The following GABRB2 variants were observed in gnomAD, a reference collection of about 807,000 sequenced individuals.
GABRB2 encodes gamma-aminobutyric acid receptor subunit beta-2.
A neutral mutation model predicts 54.7 loss-of-function variants in GABRB2; 16 were observed. That is an observed-to-expected ratio of 0.29 (90% CI 0.20 to 0.44). The LOEUF (loss-of-function observed/expected upper bound fraction) is 0.44. GABRB2 is among the 20% of genes least tolerant of loss of function. The pLI is 1.00. For synonymous variants in GABRB2, 244 were observed against 233.8 expected (o/e 1.04, Z -0.40); for missense variants, 355 against 644.0 (o/e 0.55, Z 4.86).
intron 4 of GABRB2, among the ~76,000 whole-genome samples, chr5:161,457,246 A>AT (rs1234535232): frequency 6.6e-6 from 1 of 152,086 alleles, no homozygotes; most frequent in Non-Finnish European, 1.5e-5. Context: ...GAACCTGCAT[A>AT]TTTTTTAATA....
chr5:161,534,803 C>A (rs538273605), intron 3 of GABRB2, among the ~76,000 whole-genome samples: 2 of 152,060 alleles, frequency 1.3e-5, no homozygotes, highest in South Asian at 4.2e-4. Flanking sequence ...GAAGAAAAAA[C>A]CCCAGAGAAG....
chr5:161,352,549 G>A (rs753059012), intron 5 of GABRB2, among the ~76,000 whole-genome samples: 23 of 151,998 alleles, frequency 1.5e-4, no homozygotes, highest in Non-Finnish European at 2.8e-4. Context: ...ACCACAGGCT[G>A]GCAGGAGTGG....
At chr5:161,413,459 T>C (rs184276052) in intron 4 of GABRB2, among the ~76,000 whole-genome samples, 142 of 152,306 alleles carry the variant, frequency 9.3e-4, no homozygotes, top group African/African-American at 3.2e-3. Context: ...CTATTAAAAG[T>C]TACATTCGCA....
At chr5:161,438,874 A>G (rs557841212) in intron 4 of GABRB2, among the ~76,000 whole-genome samples, 3 of 152,240 alleles carry the variant, frequency 2.0e-5, no homozygotes, top group South Asian at 4.1e-4. Flanking sequence ...AAGAAAAAAG[A>G]ACGGAACACA....
intron 5 of GABRB2, among the ~76,000 whole-genome samples, chr5:161,404,088 C>A (rs1756280440): frequency 6.6e-6 from 1 of 152,058 alleles, no homozygotes; most frequent in Non-Finnish European, 1.5e-5. Context: ...GTCTTTGAGT[C>A]CAGATACACG....
At chr5:161,341,808 T>C (rs929660574) in intron 5 of GABRB2, among the ~76,000 whole-genome samples, 6 of 150,390 alleles carry the variant, frequency 4.0e-5, no homozygotes, top group Non-Finnish European at 8.9e-5. Context: ...TGTTATCTAC[T>C]AAGTCAATAT....
chr5:161,399,478 G>A (rs1363421345), intron 5 of GABRB2, among the ~76,000 whole-genome samples: 1 of 152,162 alleles, frequency 6.6e-6, no homozygotes, highest in East Asian at 1.9e-4. Context: ...GACTACATGA[G>A]AAGCACTGTG....
At chr5:161,519,545 T>C (rs564761866) in intron 3 of GABRB2, among the ~76,000 whole-genome samples, 1 of 152,250 alleles carries the variant, frequency 6.6e-6, no homozygotes, top group South Asian at 2.1e-4. Flanking sequence ...GATGTAACAG[T>C]TATTTAATAT....
chr5:161,464,213 C>A (rs1758211104), intron 3 of GABRB2, among the ~76,000 whole-genome samples: 1 of 151,950 alleles, frequency 6.6e-6, no homozygotes, highest in African/African-American at 2.4e-5. Context: ...TGACAAACAA[C>A]TTATATCCAT....
chr5:161,301,541 G>C (rs1042128861), intron 9 of GABRB2, among the ~76,000 whole-genome samples: 1 of 151,694 alleles, frequency 6.6e-6, no homozygotes, highest in African/African-American at 2.4e-5. Flanking sequence ...AAATTTTTCT[G>C]TCTTGGCATT....
chr5:161,453,469 CCTTGCTGCTTTCACCTGGT>C, intron 4 of GABRB2, among the ~76,000 whole-genome samples: 1 of 152,150 alleles, frequency 6.6e-6, no homozygotes, highest in East Asian at 1.9e-4. Context: ...CCATAGTTTG[CCTTGCTGCTTTCACCTGGT>C]GAGGACACAG....
chr5:161,340,253 T>C (rs1236674919), intron 5 of GABRB2, among the ~76,000 whole-genome samples: 2 of 152,054 alleles, frequency 1.3e-5, no homozygotes, highest in Non-Finnish European at 2.9e-5. Flanking sequence ...TGCAAACTTT[T>C]GGCAAAATGA....
chr5:161,401,221 T>C (rs893260973), intron 5 of GABRB2, among the ~76,000 whole-genome samples: 2 of 152,196 alleles, frequency 1.3e-5, no homozygotes, highest in African/African-American at 4.8e-5. Flanking sequence ...AAGGTGGGTT[T>C]TCACTTGTGA....
At chr5:161,443,781 A>G (rs1211253112) in intron 4 of GABRB2, among the ~76,000 whole-genome samples, 1 of 152,190 alleles carries the variant, frequency 6.6e-6, no homozygotes, top group Non-Finnish European at 1.5e-5. Flanking sequence ...GCCATCAAGT[A>G]AGGGCCAGAC....
At chr5:161,504,066 C>A (rs892203892) in intron 3 of GABRB2, among the ~76,000 whole-genome samples, 1 of 151,992 alleles carries the variant, frequency 6.6e-6, no homozygotes, top group Non-Finnish European at 1.5e-5. Flanking sequence ...AAAAACTTAC[C>A]TATCCAAAGG....
At chr5:161,547,492 C>T (rs993538092), upstream of GABRB2, among the ~76,000 whole-genome samples, 1 of 152,046 alleles carries the variant, frequency 6.6e-6, no homozygotes, top group Non-Finnish European at 1.5e-5. Flanking sequence ...GCCCCCTATT[C>T]CCAGAGAAGA....
At chr5:161,536,678 C>T (rs544547865) in intron 3 of GABRB2, among the ~76,000 whole-genome samples, 2 of 152,288 alleles carry the variant, frequency 1.3e-5, no homozygotes, top group African/African-American at 2.4e-5. Flanking sequence ...CTCACTACAA[C>T]CTCCGCCTCC....
intron 5 of GABRB2, among the ~76,000 whole-genome samples, chr5:161,339,779 A>T (rs1754100758): frequency 6.6e-6 from 1 of 152,056 alleles, no homozygotes; most frequent in Admixed American, 6.6e-5. Flanking sequence ...CATCGTTGAG[A>T]AAACTAAGAT....
intron 5 of GABRB2, among the ~76,000 whole-genome samples, chr5:161,350,281 T>C (rs1210316541): frequency 2.0e-5 from 3 of 152,072 alleles, no homozygotes; most frequent in Non-Finnish European, 2.9e-5. Context: ...TGATATGATA[T>C]ATACAGAAAA....
Sources: allele counts gnomAD v4.1 joint callset (sites outside exome capture counted in the v4.1 genomes callset), GRCh38; gene constraint gnomAD v4.1.1; transcripts MANE v1.5; gene names NCBI Gene and HGNC (gene_info 2026-07-23, HGNC 2026-07-21).